NOSTRIN: variants seen among roughly 807,000 people sequenced by gnomAD.
NOSTRIN encodes BM247 homolog.
A neutral mutation model predicts 59.0 loss-of-function variants in NOSTRIN; 63 were observed. The observed-to-expected ratio is 1.07, with a 90% CI of 0.87 to 1.32. The LOEUF is 1.32. Among genes scored for constraint, NOSTRIN ranks in the 40% most tolerant of loss-of-function variants. The probability of loss-of-function intolerance (pLI) is 0.00; values close to 1 mark genes in which losing one functional copy is unlikely to be tolerated. For synonymous variants in NOSTRIN, 200 were observed against 165.4 expected (o/e 1.21, Z -1.61); for missense variants, 512 against 473.1 (o/e 1.08, Z -0.76).
intron 8 of NOSTRIN, chr2:168,850,835 G>A (rs899853286): frequency 1.3e-5 from 10 of 789,586 alleles, no homozygotes; most frequent in Non-Finnish European, 1.9e-5. Flanking sequence ...CATAAACTTA[G>A]GTAACCCACA....
At chr2:168,822,628 A>C (rs1442822815) in intron 2 of NOSTRIN, among the ~76,000 whole-genome samples, 1 of 152,244 alleles carries the variant, frequency 6.6e-6, no homozygotes. Context: ...AATTGAACTT[A>C]ATTCCCTACA....
intron 6 of NOSTRIN, 35 bp downstream of exon 6, chr2:168,831,569 G>A (rs1687365108): frequency 1.2e-6 from 1 of 830,190 alleles, no homozygotes; most frequent in African/African-American, 1.6e-5. Flanking sequence ...TGTAAACTCA[G>A]TTTTTAGAAT....
intron 8 of NOSTRIN, among the ~76,000 whole-genome samples, chr2:168,848,560 CA>C (rs11354593): frequency 0.3 from 45,992 of 151,998 alleles, 8,209 homozygotes; most frequent in East Asian, 0.58. Context: ...GACTATATAC[CA>C]AAAAACAAAA....
chr2:168,850,986 CTT>C (rs765057360), intron 8 of NOSTRIN, 96 bp from the exon 9 acceptor site: 5 of 874,048 alleles, frequency 5.7e-6, no homozygotes, highest in Admixed American at 1.8e-5. Context: ...AATCATGAGA[CTT>C]TGTTCAGTCT....
At chr2:168,792,248 C>A (rs922028595) in intron 2 of NOSTRIN, among the ~76,000 whole-genome samples, 1 of 151,838 alleles carries the variant, frequency 6.6e-6, no homozygotes, top group Non-Finnish European at 1.5e-5. Flanking sequence ...AATGAGGATG[C>A]CATCTATGAC....
At chr2:168,856,625 C>G (rs530931921) in intron 11 of NOSTRIN, 65 bp from the exon 12 acceptor site, 2 of 1,440,198 alleles carry the variant, frequency 1.4e-6, no homozygotes, top group African/African-American at 2.8e-5. Flanking sequence ...TGAGAGCGAC[C>G]GACTCCTGGC....
At chr2:168,839,222 C>A (rs1687917174) in intron 7 of NOSTRIN, among the ~76,000 whole-genome samples, 1 of 152,172 alleles carries the variant, frequency 6.6e-6, no homozygotes, top group African/African-American at 2.4e-5. Context: ...TGTATCCTGC[C>A]ATACTATTTT....
At chr2:168,849,710 G>A (rs1269307586) in intron 8 of NOSTRIN, among the ~76,000 whole-genome samples, 2 of 146,190 alleles carry the variant, frequency 1.4e-5, no homozygotes, top group Admixed American at 1.4e-4. Context: ...ATTTTGTCTT[G>A]GACACCTGCC....
chr2:168,842,847 C>T, intron 7 of NOSTRIN, 145 bp from the exon 8 acceptor site: 1 of 619,252 alleles, frequency 1.6e-6, no homozygotes, highest in Non-Finnish European at 2.8e-6. Flanking sequence ...AAAGATCTTT[C>T]ATTTTGTCAA....
In NOSTRIN at chr2:168,811,549, A is replaced by T. The variant is rs1245475246; in HGVS notation, c.28-18A>T. ...TCTTCCTGTTCATTGTTTTTTTGTT[A>T]TTGTTCTTGTTTTTCAGTATAATAA... On this transcript the variant is annotated intron_variant, in intron 1 of 15. Transcript: ENST00000317647. The T allele has an allele frequency of 8.9e-6, 7 of 784,572 alleles. No individual in the cohort carries two copies. The highest frequency in any genetic ancestry group is 6.8e-5 in the Admixed American group (3 of 43,890). 48.6% of individuals were successfully genotyped at this position (784,572 alleles called of 1,614,324 possible).
At chr2:168,864,704 C>A in intron 15 of NOSTRIN, 130 bp from the exon 16 acceptor site, 3 of 1,027,908 alleles carry the variant, frequency 2.9e-6, no homozygotes, top group Non-Finnish European at 4.3e-6. Flanking sequence ...TTGGCTTCAT[C>A]TGAATCAAGT....
intron 2 of NOSTRIN, among the ~76,000 whole-genome samples, chr2:168,790,259 T>C (rs1026555233): frequency 1.3e-5 from 2 of 152,190 alleles, no homozygotes; most frequent in African/African-American, 4.8e-5. Flanking sequence ...TTGAATAAAA[T>C]GGGAAACTAT....
At chr2:168,832,479 C>T (rs1297395153) in intron 6 of NOSTRIN, among the ~76,000 whole-genome samples, 1 of 152,198 alleles carries the variant, frequency 6.6e-6, no homozygotes, top group Non-Finnish European at 1.5e-5. Context: ...TTAGTGCCCA[C>T]AGAGAACCTT....
At chr2:168,834,503 G>C in intron 7 of NOSTRIN, among the ~76,000 whole-genome samples, 178 bp downstream of exon 7, 1 of 119,838 alleles carries the variant, frequency 8.3e-6, no homozygotes, top group African/African-American at 2.9e-5. Context: ...GCGCGCGCGC[G>C]CGCGCACACA....
At chr2:168,790,527 T>TA (rs1208200305) in intron 2 of NOSTRIN, among the ~76,000 whole-genome samples, 1 of 152,234 alleles carries the variant, frequency 6.6e-6, no homozygotes, top group Non-Finnish European at 1.5e-5. Context: ...CTGCCAAAGA[T>TA]ACGAAACCTG....
At chr2:168,795,827 A>G (rs141484544), upstream of NOSTRIN, among the ~76,000 whole-genome samples, 38 of 152,360 alleles carry the variant, frequency 2.5e-4, no homozygotes, top group Admixed American at 1.4e-3. Flanking sequence ...TAGGCTGGCT[A>G]TTAACAATAA....
chr2:168,820,130 C>T (rs1187524415), intron 2 of NOSTRIN, among the ~76,000 whole-genome samples: 1 of 152,198 alleles, frequency 6.6e-6, no homozygotes, highest in Non-Finnish European at 1.5e-5. Flanking sequence ...TCTGCAATCT[C>T]TTCCCCAAAA....
chr2:168,814,299 T>G (rs1177879103), intron 2 of NOSTRIN, among the ~76,000 whole-genome samples: 2 of 152,220 alleles, frequency 1.3e-5, no homozygotes, highest in African/African-American at 2.4e-5. Context: ...TTAAACCATA[T>G]CAACAAGGAT....
intron 15 of NOSTRIN, among the ~76,000 whole-genome samples, chr2:168,863,934 A>AGAGTCTTGCTCTG (rs1553537001): frequency 6.6e-6 from 1 of 151,618 alleles, no homozygotes; most frequent in Non-Finnish European, 1.5e-5. Context: ...TTTTTGAGGC[A>AGAGTCTTGCTCTG]GAGTCTTGCT....
Sources: allele counts gnomAD v4.1 joint callset (sites outside exome capture counted in the v4.1 genomes callset), GRCh38; gene constraint gnomAD v4.1.1; transcripts MANE v1.5; gene names NCBI Gene and HGNC (gene_info 2026-07-23, HGNC 2026-07-21).